The following PGM2 variants were observed in gnomAD, a reference collection of about 807,000 sequenced individuals.
PGM2 encodes phosphopentomutase.
PGM2 carries 57 observed loss-of-function variants against 74.6 expected under a neutral mutation model. That is an observed-to-expected ratio of 0.76 (90% CI 0.62 to 0.95). The LOEUF (loss-of-function observed/expected upper bound fraction) is 0.95. Ranked by LOEUF, PGM2 falls within the 40% of genes least tolerant of loss-of-function variation. The pLI is 0.00. For missense variants in PGM2, 706 were observed against 741.9 expected (o/e 0.95, Z 0.56); for synonymous variants, 273 against 260.7 (o/e 1.05, Z -0.46).
Position 37,826,732 on chromosome 4 carries a change from G to A in PGM2, c.-1G>A. 6.5e-7 allele frequency: 1 copy of A among 1,549,666 alleles called. No individual in the cohort carries two copies. Among genetic ancestry groups the A allele is most frequent in the Non-Finnish European group, 8.7e-7 (1 of 1,145,924 alleles). On this transcript the variant is annotated 5_prime_UTR_variant, in exon 1 of 14. Transcript: ENST00000381967. ...TCTGCAGCGGTAGCACAAGCTCAGC[G>A]ATGGCGGCTCCAGAAGGCAGCGGTC...
rs779775449 is a variant in PGM2, at chr4:37,855,620, A to C, written c.1615A>C (p.Ser539Arg). The C allele has an allele frequency of 3.1e-6, 5 of 1,613,746 alleles. No homozygotes were observed. The African/African-American group carries it at 6.7e-5, about 22-fold the overall frequency. ...QPDKKAVLPT[S>R]KSSQMITFTF... The stretch of plus-strand genomic sequence containing the variant: ...CATTAATTCCTAGGTTCTTCCCACT[A>C]GTAAAAGCAGCCAAATGATCACCTT... Residue 539 changes from serine (S) to arginine (R), a missense_variant, in exon 13 of 14, where the codon AGT becomes CGT. By Grantham distance (110) the Ser-to-Arg change is moderately radical. Around this residue, in one of 3 missense-constraint regions of PGM2, gnomAD observed 359 missense variants for 371.1 expected, o/e 0.97. Transcript: ENST00000381967.
chr4:37,851,309 G>A (rs1461013034), intron 12 of PGM2, among the ~76,000 whole-genome samples: 1 of 152,260 alleles, frequency 6.6e-6, no homozygotes, highest in Admixed American at 6.5e-5. Flanking sequence ...AGGTGGTACT[G>A]ATGCAACTGG....
intron 10 of PGM2, 88 bp from the exon 11 acceptor site, chr4:37,848,434 A>G (rs763230391): frequency 4.2e-5 from 49 of 1,173,766 alleles, no homozygotes; most frequent in Non-Finnish European, 5.8e-5. Flanking sequence ...ACACTGTACA[A>G]CCTCTAATAT....
chr4:37,834,694 C>G lies in PGM2; in HGVS notation c.326C>G (p.Ala109Gly), dbSNP rs771200997. Residue 109 changes from alanine to glycine, a missense_variant, in exon 3 of 14, where the codon GCT becomes GGT. Physicochemically the swap from Ala to Gly is moderately conservative, Grantham distance 60. Transcript: ENST00000381967. ...KGIVISFDAR[A>G]HPSSGGSSRR... ...ATCGTGATCAGTTTTGACGCCCGAG[C>G]TCATCCATCCAGTGGGGGTAGCAGC... 6.3e-7 allele frequency: 1 copy of G among 1,578,356 alleles called. No individual in the cohort carries two copies. Among genetic ancestry groups the G allele is most frequent in the Non-Finnish European group, 8.7e-7 (1 of 1,149,410 alleles).
intron 13 of PGM2, among the ~76,000 whole-genome samples, chr4:37,856,592 C>T (rs1189305607): frequency 6.6e-6 from 1 of 152,096 alleles, no homozygotes; most frequent in African/African-American, 2.4e-5. Flanking sequence ...GAGTTGGTCA[C>T]TCTGTAACAA....
intron 2 of PGM2, among the ~76,000 whole-genome samples, chr4:37,832,158 C>T (rs1312855330): frequency 1.3e-5 from 2 of 152,178 alleles, no homozygotes; most frequent in Non-Finnish European, 2.9e-5. Context: ...TAATTTTCTC[C>T]ATGACCCCAC....
chr4:37,862,765 G>A lies in PGM2; in HGVS notation c.*1153G>A, dbSNP rs948674384. ...AATTACAATACTATGTGATAGTATTGTAACTATTTTTCTATTTTAGTCATA... is the reference window on the plus strand; with the variant it reads ...AATTACAATACTATGTGATAGTATTATAACTATTTTTCTATTTTAGTCATA... On this transcript the variant is annotated 3_prime_UTR_variant, in exon 14 of 14. Transcript: ENST00000381967. The A allele has an allele frequency of 6.6e-6, 1 of 151,914 alleles. No homozygotes were observed. The highest frequency in any genetic ancestry group is 2.4e-5 in the African/African-American group (1 of 41,412). The allele number at this position is 151,914 out of a possible 1,614,324, so 9.4% of individuals were successfully genotyped here.
rs1196552700 is a variant in PGM2 at position 37,862,834 on chromosome 4, A to G, written c.*1222A>G. On this transcript the variant is annotated 3_prime_UTR_variant, in exon 14 of 14. Transcript: ENST00000381967. The stretch of plus-strand genomic sequence containing the variant: ...AGAACTCTTAAATCTATAATATTCG[A>G]TATATTCTACAAACTGCTTTATTGT... 6.6e-6 allele frequency: 1 copy of G among 151,968 alleles called. No homozygotes were observed. Among genetic ancestry groups the G allele is most frequent in the African/African-American group, 2.4e-5 (1 of 41,378 alleles). 9.4% of individuals were successfully genotyped at this position (151,968 alleles called of 1,614,324 possible).
chr4:37,827,555 G>A (rs1220515364), intron 1 of PGM2, among the ~76,000 whole-genome samples: 1 of 151,416 alleles, frequency 6.6e-6, no homozygotes, highest in Non-Finnish European at 1.5e-5. Flanking sequence ...TTCTCCCGTT[G>A]TGACTCATAT....
At position 37,861,691 on chromosome 4, in the gene PGM2, C is replaced by A; in HGVS notation, c.*79C>A. 1 of 827,452 alleles carries A rather than the reference C, an allele frequency of 1.2e-6. No homozygotes were observed. The highest frequency in any genetic ancestry group is 2.1e-6 in the Non-Finnish European group (1 of 471,170). The allele number at this position is 827,452 out of a possible 1,614,324, so 51.3% of individuals were successfully genotyped here. A position where few individuals can be genotyped will look rare whatever the true frequency, so the allele number is the denominator to read the frequency against. ...CTTGTTAAGCAATATTTTTAAGGGC[C>A]AAATGATTCAAAACATCACAGGTAT... is the stretch of plus-strand genomic sequence containing the variant. On this transcript the variant is annotated 3_prime_UTR_variant, in exon 14 of 14. Transcript: ENST00000381967.
In PGM2 at chr4:37,848,558, G is replaced by A; in HGVS notation, c.1319G>A (p.Gly440Glu). Residue 440 changes from glycine (G) to glutamate (E), a missense_variant, in exon 11 of 14, where the codon GGA becomes GAA. This residue lies in a region of PGM2 where 359 missense variants were observed against 371.1 expected (regional missense o/e 0.97). Coordinates refer to ENST00000381967, the MANE Select transcript of PGM2 (RefSeq NM_018290.4). ...TGCCCTTTTGTTCTGGACAAAGATG[G>A]AGTCAGTGCCGCTGTCATAAGTGCA... Reference protein sequence around the residue: ...MCCPFVLDKDGVSAAVISAEL... With the variant: ...MCCPFVLDKDEVSAAVISAEL... The A allele has an allele frequency of 6.2e-7, 1 of 1,613,610 alleles. No individual in the cohort carries two copies. The highest frequency in any genetic ancestry group is 2.2e-5 in the East Asian group (1 of 44,874).
intron 7 of PGM2, among the ~76,000 whole-genome samples, chr4:37,844,991 A>C (rs954740959): frequency 1.3e-5 from 2 of 152,010 alleles, no homozygotes; most frequent in South Asian, 2.1e-4. Flanking sequence ...AAAAAAAAAA[A>C]AAAACAAGAA....
At chr4:37,849,480 C>T (rs561203562) in intron 11 of PGM2, among the ~76,000 whole-genome samples, 6 of 134,214 alleles carry the variant, frequency 4.5e-5, no homozygotes, top group Admixed American at 1.7e-4. Flanking sequence ...GGTGTGATCT[C>T]GGCTTACTGC....
intron 1 of PGM2, among the ~76,000 whole-genome samples, 185 bp from the exon 2 acceptor site, chr4:37,829,779 C>T (rs992042460): frequency 6.6e-6 from 1 of 151,988 alleles, no homozygotes; most frequent in Non-Finnish European, 1.5e-5. Flanking sequence ...GAAAAGAACA[C>T]TTACATTATA....
chr4:37,860,440 C>A (rs758243315), intron 13 of PGM2, among the ~76,000 whole-genome samples: 3 of 152,186 alleles, frequency 2.0e-5, no homozygotes, highest in Non-Finnish European at 2.9e-5. Flanking sequence ...AAGATAAAGT[C>A]TTTATCCCAA....
At chr4:37,850,533 G>A (rs1037851923) in intron 12 of PGM2, among the ~76,000 whole-genome samples, 160 bp downstream of exon 12, 2 of 152,208 alleles carry the variant, frequency 1.3e-5, no homozygotes, top group African/African-American at 4.8e-5. Flanking sequence ...GGATGTGGTG[G>A]CTCATGCCTA....
intron 13 of PGM2, among the ~76,000 whole-genome samples, chr4:37,858,045 T>A (rs1418596538): frequency 6.6e-6 from 1 of 152,114 alleles, no homozygotes; most frequent in African/African-American, 2.4e-5. Flanking sequence ...GATGAAAATA[T>A]ATCTTATACT....
chr4:37,862,692 T>C lies in PGM2; in HGVS notation c.*1080T>C, dbSNP rs1335479111. ...TTTTTAAAGCAAATGATTGCCATTA[T>C]GATTACACTCAACCTAAATAGTTAT... On this transcript the variant is annotated 3_prime_UTR_variant, in exon 14 of 14. Coordinates refer to ENST00000381967, the MANE Select transcript of PGM2 (RefSeq NM_018290.4). The C allele has an allele frequency of 2.0e-5, 3 of 150,858 alleles. No homozygotes were observed. The highest frequency in any genetic ancestry group is 4.2e-4 in the South Asian group (2 of 4,810). The allele number at this position is 150,858 out of a possible 1,614,324, so 9.3% of individuals were successfully genotyped here. A position where few individuals can be genotyped will look rare whatever the true frequency, so the allele number is the denominator to read the frequency against.
At chr4:37,859,740 C>G (rs916511618) in intron 13 of PGM2, among the ~76,000 whole-genome samples, 2 of 152,116 alleles carry the variant, frequency 1.3e-5, no homozygotes, top group Non-Finnish European at 2.9e-5. Context: ...ATAATCAAAT[C>G]AAGAACACTG....
Sources: gnomAD v4.1 joint callset for allele counts (sites outside exome capture counted in the v4.1 genomes callset) on GRCh38, gnomAD v4.1.1 for gene constraint, gnomAD v4.1.1 regional missense constraint, MANE v1.5 for transcripts, NCBI Gene and HGNC (gene_info 2026-07-23, HGNC 2026-07-21) for gene names.